Variants in AFDN observed in about 807,000 individuals in gnomAD.
AFDN encodes the protein afadin, adherens junction formation factor, also known as afadin.
A neutral mutation model predicts 216.6 loss-of-function variants in AFDN; 68 were observed. That is an observed-to-expected ratio of 0.31 (90% CI 0.26 to 0.38). The LOEUF is 0.38. Ranked by LOEUF, AFDN falls within the 10% of genes least tolerant of loss-of-function variation. AFDN has a pLI of 1.00. For synonymous variants in AFDN, 868 were observed against 853.7 expected (o/e 1.02, Z -0.29); for missense variants, 2,136 against 2,342.0 (o/e 0.91, Z 1.82).
intron 31 of AFDN, chr6:167,965,134 TG>T (rs977539856): frequency 2.2e-6 from 2 of 919,248 alleles, no homozygotes; most frequent in Admixed American, 6.0e-5. Flanking sequence ...ATTGTTACTT[TG>T]GGAGAATGAG....
chr6:167,864,352 A>G, intron 1 of AFDN, 199 bp from the exon 2 acceptor site: 1 of 757,388 alleles, frequency 1.3e-6, no homozygotes, highest in Non-Finnish European at 2.4e-6. Flanking sequence ...CAGGTGAGGC[A>G]AAGAGAAATT....
chr6:167,902,226 G>A (rs1338816721), intron 11 of AFDN, 91 bp from the exon 12 acceptor site: 3 of 907,736 alleles, frequency 3.3e-6, no homozygotes, highest in African/African-American at 1.7e-5. Context: ...TTGACATTTG[G>A]TATTTTAGTT....
At chr6:167,966,285 G>C in intron 32 of AFDN, 2 of 1,494,390 alleles carry the variant, frequency 1.3e-6, no homozygotes, top group Non-Finnish European at 1.8e-6. Context: ...AGGTAAAAGA[G>C]TGACAAATCA....
intron 23 of AFDN, among the ~76,000 whole-genome samples, chr6:167,925,316 T>G (rs1316883174): frequency 1.3e-5 from 2 of 152,062 alleles, no homozygotes; most frequent in Non-Finnish European, 2.9e-5. Context: ...GTAGCTAGAG[T>G]GATACTTTGA....
At chr6:167,832,341 A>G (rs1779925149) in intron 1 of AFDN, among the ~76,000 whole-genome samples, 1 of 152,128 alleles carries the variant, frequency 6.6e-6, no homozygotes, top group South Asian at 2.1e-4. Flanking sequence ...TGCGTGTTCT[A>G]AGAATTGTAC....
At chr6:167,877,626 G>A (rs1785540073) in intron 5 of AFDN, among the ~76,000 whole-genome samples, 1 of 152,144 alleles carries the variant, frequency 6.6e-6, no homozygotes, top group South Asian at 2.1e-4. Flanking sequence ...GAAGCCAAAA[G>A]TATTAATGAA....
intron 1 of AFDN, among the ~76,000 whole-genome samples, chr6:167,834,293 ATTC>A (rs376431122): frequency 4.2e-4 from 64 of 151,882 alleles, no homozygotes; most frequent in African/African-American, 1.5e-3. Context: ...CCATTGTGTC[ATTC>A]TTAGGCCTTT....
At chr6:167,966,334 C>G in intron 32 of AFDN, 3 of 1,337,566 alleles carry the variant, frequency 2.2e-6, no homozygotes, top group South Asian at 1.4e-5. Context: ...CAGCATCTCT[C>G]TGCACACTTG....
chr6:167,851,240 A>G (rs1178345087), intron 1 of AFDN, among the ~76,000 whole-genome samples: 1 of 152,198 alleles, frequency 6.6e-6, no homozygotes, highest in African/African-American at 2.4e-5. Context: ...TTTTTTATAC[A>G]CATACACATA....
At chr6:167,944,682 T>A (rs1025501201) in intron 26 of AFDN, among the ~76,000 whole-genome samples, 16 of 152,210 alleles carry the variant, frequency 1.1e-4, no homozygotes, top group South Asian at 2.1e-4. Flanking sequence ...TGTAGCCTAT[T>A]GCTCCTAGGC....
chr6:167,846,157 C>G (rs954319960), intron 1 of AFDN, among the ~76,000 whole-genome samples: 4 of 151,832 alleles, frequency 2.6e-5, no homozygotes, highest in Admixed American at 2.0e-4. Context: ...TAGCTTGGAC[C>G]CCATTCCTTT....
rs755200237 is a variant in AFDN at position 167,951,530 on chromosome 6, T to C, written c.4176T>C (p.Asp1392=). The C allele has an allele frequency of 1.9e-6, 3 of 1,613,816 alleles. No individual in the cohort carries two copies. Among genetic ancestry groups the C allele is most frequent in the Non-Finnish European group, 2.5e-6 (3 of 1,179,892 alleles). Residue 1392 remains aspartate, a synonymous_variant, in exon 30 of 34, where the codon GAT becomes GAC. Transcript: ENST00000683244. The surrounding 1 kb of genome is among the most constrained non-coding windows in gnomAD (Gnocchi z 7.1). ...GTGATTTCGATGGAATGTCCATGGA[T>C]TTGCCTCTCCCACCACCCCCTTCCG... The part of the protein sequence containing the change: ...YAGDFDGMSM[D]LPLPPPPSAN...
chr6:167,914,657 T>G lies in AFDN; in HGVS notation c.2218T>G (p.Cys740Gly). 6.2e-7 allele frequency: 1 copy of G among 1,611,530 alleles called. No individual in the cohort carries two copies. ...VQMAFKYLVHCLQSELNNYMP... is the reference protein window; with the variant it reads ...VQMAFKYLVHGLQSELNNYMP... The stretch of plus-strand genomic sequence containing the variant: ...ATGTATTTTCAGATACTTGGTTCAC[T>G]GTCTTCAATCAGAACTTAATAATTA... The change falls in exon 18 of 34, where the codon TGT (cysteine) becomes GGT (glycine). Residue 740 changes from cysteine to glycine, a missense_variant. Transcript: ENST00000683244.
At chr6:167,878,520 T>C (rs1785679476) in intron 5 of AFDN, among the ~76,000 whole-genome samples, 1 of 152,060 alleles carries the variant, frequency 6.6e-6, no homozygotes, top group South Asian at 2.1e-4. Flanking sequence ...GTCCACCTCC[T>C]TAGACATATG....
At chr6:167,904,756 G>C (rs1226033094) in intron 12 of AFDN, among the ~76,000 whole-genome samples, 1 of 152,022 alleles carries the variant, frequency 6.6e-6, no homozygotes, top group African/African-American at 2.4e-5. Flanking sequence ...TGCCTCTCTG[G>C]CTTAGGCTGC....
intron 1 of AFDN, among the ~76,000 whole-genome samples, chr6:167,841,649 A>G (rs553530036): frequency 6.5e-4 from 99 of 152,228 alleles, no homozygotes; most frequent in African/African-American, 2.2e-3. Context: ...TTTTTTCGGT[A>G]TCCTCTTAAA....
At chr6:167,917,322 T>TA in intron 20 of AFDN, 90 bp downstream of exon 20, 1 of 1,259,752 alleles carries the variant, frequency 7.9e-7, no homozygotes. Flanking sequence ...TCCTATTTAA[T>TA]ACGTTAACTT....
intron 32 of AFDN, chr6:167,968,617 A>G (rs142405682): frequency 1.3e-5 from 2 of 156,404 alleles, no homozygotes; most frequent in African/African-American, 4.8e-5. Context: ...GCTACAATTA[A>G]TAGAAATACA....
intron 31 of AFDN, chr6:167,964,762 T>C (rs1797373219): frequency 1.9e-6 from 2 of 1,065,962 alleles, no homozygotes. Context: ...TAGTTTTCTT[T>C]GGTTGAACAA....
Sources: allele counts gnomAD v4.1 joint callset (sites outside exome capture counted in the v4.1 genomes callset), GRCh38; gene constraint gnomAD v4.1.1; non-coding constraint Gnocchi (gnomAD v3.1); transcripts MANE v1.5; gene names NCBI Gene and HGNC (gene_info 2026-07-23, HGNC 2026-07-21).